Variants in LAMC3 observed in about 807,000 individuals in gnomAD.
LAMC3 encodes the protein laminin subunit gamma 3, also known as laminin subunit gamma-3.
A neutral mutation model predicts 173.8 loss-of-function variants in LAMC3; 128 were observed. That is an observed-to-expected ratio of 0.74 (90% CI 0.64 to 0.85). LAMC3 has a LOEUF of 0.85. LAMC3 is among the 40% of genes least tolerant of loss of function. The probability of loss-of-function intolerance (pLI) is 0.00; values close to 1 mark genes in which losing one functional copy is unlikely to be tolerated. For missense variants in LAMC3, 2,022 were observed against 2,156.0 expected (o/e 0.94, Z 1.23); for synonymous variants, 897 against 909.1 (o/e 0.99, Z 0.24).
In LAMC3 at chr9:131,069,730, C is replaced by T. The variant is rs373660982; in HGVS notation, c.2949C>T (p.Cys983=). The T allele has an allele frequency of 1.9e-4, 297 of 1,602,110 alleles. No homozygotes were observed. The highest frequency in any genetic ancestry group is 2.4e-4 in the Non-Finnish European group (279 of 1,175,288). The part of the protein sequence containing the change: ...ASAQCHENGT[C]VCRPGFEGYK... The stretch of plus-strand genomic sequence containing the variant: ...CCCAGTGCCACGAGAACGGCACATG[C>T]GTGTGCAGGCCTGGCTTCGAGGGCT... The change falls in exon 17 of 28, where the codon TGC becomes TGT. Residue 983 remains cysteine, a synonymous_variant. Coordinates refer to ENST00000361069, the MANE Select transcript of LAMC3 (RefSeq NM_006059.4).
Position 131,026,385 on chromosome 9 carries a change from G to T in LAMC3, c.474G>T (p.Glu158Asp), listed in dbSNP as rs1833717037. 2 of 1,614,120 alleles carry T rather than the reference G, an allele frequency of 1.2e-6. No individual in the cohort carries two copies. The highest frequency in any genetic ancestry group is 2.2e-5 in the East Asian group (1 of 44,882). The change falls in exon 2 of 28, where the codon GAG becomes GAT. Residue 158 changes from glutamate to aspartate, a missense_variant. By Grantham distance (45) the Glu-to-Asp change is conservative (BLOSUM62 2). Transcript: ENST00000361069. The surrounding 1 kb of genome is among the most constrained non-coding windows in gnomAD (Gnocchi z 4.8). ...YKRSRADGPW[E>D]PYQFYSASCQ... ...GCAGCCGCGCCGACGGCCCATGGGA[G>T]CCCTACCAGTTCTACAGCGCCTCCT...
At chr9:131,040,367 T>C (rs1834027155) in intron 6 of LAMC3, among the ~76,000 whole-genome samples, 1 of 152,002 alleles carries the variant, frequency 6.6e-6, no homozygotes, top group South Asian at 2.1e-4. Context: ...TTGGTAGAGA[T>C]GGGGTTTTGC....
At chr9:131,083,180 C>T (rs927724004) in intron 24 of LAMC3, among the ~76,000 whole-genome samples, 1 of 152,234 alleles carries the variant, frequency 6.6e-6, no homozygotes, top group African/African-American at 2.4e-5. Flanking sequence ...TGGCAGTGGA[C>T]TCGCCCACCC....
chr9:131,053,287 A>G (rs551997150), intron 11 of LAMC3, among the ~76,000 whole-genome samples: 1 of 152,190 alleles, frequency 6.6e-6, no homozygotes, highest in Admixed American at 6.5e-5. Flanking sequence ...TGGATCCACC[A>G]AGCCCCCTGT....
intron 6 of LAMC3, among the ~76,000 whole-genome samples, chr9:131,040,339 G>A (rs113371326): frequency 7.2e-5 from 11 of 152,070 alleles, no homozygotes; most frequent in African/African-American, 1.7e-4. Flanking sequence ...CACCACACCC[G>A]GCTAATTTTT....
intron 18 of LAMC3, among the ~76,000 whole-genome samples, chr9:131,072,342 T>C (rs1830050038): frequency 6.6e-6 from 1 of 152,164 alleles, no homozygotes; most frequent in Admixed American, 6.5e-5. Flanking sequence ...GAATCAGAGC[T>C]GATTTGAAGG....
At chr9:131,012,178 T>C (rs1467469436) in intron 1 of LAMC3, among the ~76,000 whole-genome samples, 2 of 151,984 alleles carry the variant, frequency 1.3e-5, no homozygotes, top group Non-Finnish European at 2.9e-5. Flanking sequence ...CAAGTGTGAG[T>C]GACAGGGTCA....
Position 131,029,455 on chromosome 9 carries a change from G to A in LAMC3, c.679-2590G>A, listed in dbSNP as rs917476993. ...CGTGGGGACACCCTTGGCTGTTGGA[G>A]GTTTTCTGTCTTGTTGCCTCTTGTG... is the stretch of plus-strand genomic sequence containing the variant. On this transcript the variant is annotated intron_variant, in intron 2 of 27. Transcript: ENST00000361069. This position sits in a 1 kb window ranked among gnomAD's most constrained non-coding sequence, Gnocchi z 4.6. Among the ~76,000 whole-genome samples the A allele has an allele frequency of 6.6e-6, 1 of 152,206 alleles. No homozygotes were observed. The highest frequency in any genetic ancestry group is 2.4e-5 in the African/African-American group (1 of 41,458).
At position 131,075,922 on chromosome 9, in the gene LAMC3, G is replaced by T. The variant is rs1830118524; in HGVS notation, c.3586G>T (p.Glu1196Ter). Residue 1196 changes from glutamate (E) to a stop codon, truncating the protein, a stop_gained, in exon 21 of 28, where the codon GAG becomes TAG. Coordinates refer to ENST00000361069, the MANE Select transcript of LAMC3 (RefSeq NM_006059.4). LOFTEE classifies it high-confidence loss of function. ...CTACGCGCTTCTCTGGAATCTGCTGGAGGGAAGGGTGGCCCTAGAGACCCA... is the reference window on the plus strand; with the variant it reads ...CTACGCGCTTCTCTGGAATCTGCTGTAGGGAAGGGTGGCCCTAGAGACCCA... Reference protein sequence around the residue: ...TSYALLWNLLEGRVALETQRD... With the variant: ...TSYALLWNLL The T allele has an allele frequency of 6.2e-7, 1 of 1,611,166 alleles. No homozygotes were observed. Among genetic ancestry groups the T allele is most frequent in the Non-Finnish European group, 8.5e-7 (1 of 1,178,192 alleles).
intron 4 of LAMC3, among the ~76,000 whole-genome samples, chr9:131,037,957 C>A (rs1433624569): frequency 3.9e-5 from 6 of 152,250 alleles, no homozygotes; most frequent in Admixed American, 3.3e-4. Context: ...CTGCAGGCCC[C>A]CCACTGCACA....
intron 3 of LAMC3, among the ~76,000 whole-genome samples, chr9:131,034,753 C>T (rs1013280139): frequency 1.3e-5 from 2 of 152,306 alleles, no homozygotes; most frequent in South Asian, 2.1e-4. Context: ...GGACAGTGGT[C>T]GGGACAGGGA....
chr9:131,060,142 C>T (rs1205407222), intron 12 of LAMC3, among the ~76,000 whole-genome samples: 1 of 152,188 alleles, frequency 6.6e-6, no homozygotes, highest in Non-Finnish European at 1.5e-5. Flanking sequence ...GGGGTTCCCT[C>T]CCCTGAGACT....
At chr9:131,036,391 A>G (rs954059096) in intron 4 of LAMC3, 59 bp downstream of exon 4, 31 of 1,598,364 alleles carry the variant, frequency 1.9e-5, no homozygotes, top group East Asian at 1.1e-4. Context: ...CAGGCGGGGA[A>G]AGGAACTCCC....
intron 12 of LAMC3, among the ~76,000 whole-genome samples, chr9:131,057,859 C>G (rs756927664): frequency 6.6e-6 from 1 of 152,236 alleles, no homozygotes; most frequent in East Asian, 1.9e-4. Flanking sequence ...TTTCAGGACA[C>G]TTGGGAAATA....
At chr9:131,056,462 A>G (rs568355254) in intron 11 of LAMC3, among the ~76,000 whole-genome samples, 5 of 150,860 alleles carry the variant, frequency 3.3e-5, no homozygotes, top group African/African-American at 7.3e-5. Context: ...AAAATTGCCT[A>G]ATCATCTCCC....
At chr9:131,016,550 T>C (rs967769808) in intron 1 of LAMC3, among the ~76,000 whole-genome samples, 1 of 152,186 alleles carries the variant, frequency 6.6e-6, no homozygotes, top group African/African-American at 2.4e-5. Flanking sequence ...TCCTAATGCA[T>C]GAAAACATTC....
intron 2 of LAMC3, among the ~76,000 whole-genome samples, chr9:131,030,269 T>A (rs538150372): frequency 6.6e-6 from 1 of 152,266 alleles, no homozygotes; most frequent in South Asian, 2.1e-4. Context: ...ATCAAGACAG[T>A]CCCCCTGCAA....
In LAMC3 at chr9:131,009,387, C is replaced by T. The variant is rs1833363372; in HGVS notation, c.173C>T (p.Pro58Leu). 1.3e-6 allele frequency: 2 copies of T among 1,531,602 alleles called. No individual in the cohort carries two copies. The highest frequency in any genetic ancestry group is 1.7e-6 in the Non-Finnish European group (2 of 1,142,916). The allele number at this position is 1,531,602 out of a possible 1,614,324, so 94.9% of individuals were successfully genotyped here. Residue 58 changes from proline (P) to leucine (L), a missense_variant, in exon 1 of 28, where the codon CCC becomes CTC. By Grantham distance (98) the Pro-to-Leu change is moderately conservative (BLOSUM62 -3). Coordinates refer to ENST00000361069, the MANE Select transcript of LAMC3 (RefSeq NM_006059.4). The surrounding 1 kb of genome is among the most constrained non-coding windows in gnomAD (Gnocchi z 4.3). ...AQASHTCGSP[P>L]EDFCPHVGAA... ...GCCTCGCACACGTGCGGCAGCCCGC[C>T]CGAGGACTTCTGTCCCCACGTGGGC...
chr9:131,015,759 G>A (rs1057308538), intron 1 of LAMC3, among the ~76,000 whole-genome samples: 2 of 152,146 alleles, frequency 1.3e-5, no homozygotes, highest in Admixed American at 6.5e-5. Context: ...AGGTTCAAGC[G>A]ATTCTCCTGC....
Sources: gnomAD v4.1 joint callset for allele counts (sites outside exome capture counted in the v4.1 genomes callset) on GRCh38, gnomAD v4.1.1 for gene constraint, Gnocchi (gnomAD v3.1) non-coding constraint, MANE v1.5 for transcripts, NCBI Gene and HGNC (gene_info 2026-07-23, HGNC 2026-07-21) for gene names.